MACROD1: variants seen among roughly 807,000 people sequenced by gnomAD.
The protein encoded by MACROD1 is mono-ADP ribosylhydrolase 1.
Under a neutral mutation model 41.4 loss-of-function variants are expected in MACROD1, and 31 were observed. The ratio of observed to expected loss-of-function variants is 0.75; its 90% CI spans 0.56 to 1.01. MACROD1 has a LOEUF of 1.01. Among genes scored for constraint, MACROD1 ranks in the 50% least tolerant of loss-of-function variants. The probability of loss-of-function intolerance (pLI) is 0.00; values close to 1 mark genes in which losing one functional copy is unlikely to be tolerated. For synonymous variants in MACROD1, 252 were observed against 203.4 expected (o/e 1.24, Z -2.03); for missense variants, 473 against 460.0 (o/e 1.03, Z -0.26).
intron 1 of MACROD1, among the ~76,000 whole-genome samples, chr11:64,161,231 G>T (rs554129521): frequency 2.6e-5 from 4 of 152,254 alleles, no homozygotes; most frequent in African/African-American, 9.6e-5. Flanking sequence ...ACGTTCATAT[G>T]CTGGAACACT....
At chr11:64,046,848 T>C (rs1590834617) in intron 3 of MACROD1, among the ~76,000 whole-genome samples, 2 of 152,136 alleles carry the variant, frequency 1.3e-5, no homozygotes, top group Non-Finnish European at 2.9e-5. Flanking sequence ...TGTGAAGTCT[T>C]CCCCATCCCT....
intron 3 of MACROD1, among the ~76,000 whole-genome samples, chr11:64,128,775 C>CT (rs1565250599): frequency 6.6e-6 from 1 of 152,058 alleles, no homozygotes; most frequent in Non-Finnish European, 1.5e-5. Context: ...CAGGTGACCC[C>CT]TTCCCACGCC....
chr11:64,165,259 C>A (rs1945820887), intron 1 of MACROD1, among the ~76,000 whole-genome samples: 1 of 152,190 alleles, frequency 6.6e-6, no homozygotes. Flanking sequence ...ACTTAAGAAC[C>A]ACACTGTGCA....
At chr11:64,011,163 C>T (rs1383472960) in intron 4 of MACROD1, among the ~76,000 whole-genome samples, 3 of 98,072 alleles carry the variant, frequency 3.1e-5, no homozygotes, top group African/African-American at 8.3e-5. Context: ...TGTTAGGATG[C>T]TGGTTGGCAT....
chr11:64,026,424 A>C (rs972215174), intron 3 of MACROD1, among the ~76,000 whole-genome samples: 2 of 152,176 alleles, frequency 1.3e-5, no homozygotes, highest in African/African-American at 4.8e-5. Flanking sequence ...GTTTTGTCTC[A>C]TGCAAACACA....
intron 3 of MACROD1, among the ~76,000 whole-genome samples, chr11:64,023,694 T>C (rs1260464913): frequency 6.6e-6 from 1 of 152,010 alleles, no homozygotes; most frequent in Non-Finnish European, 1.5e-5. Context: ...ACTGGGCCCA[T>C]TCCAGGCCCT....
chr11:64,164,295 G>GC (rs1945801101), intron 1 of MACROD1, among the ~76,000 whole-genome samples: 1 of 152,240 alleles, frequency 6.6e-6, no homozygotes, highest in South Asian at 2.1e-4. Flanking sequence ...AGGAACCCCA[G>GC]CCCCATCACA....
At chr11:64,116,297 C>T in intron 3 of MACROD1, 5 of 1,604,826 alleles carry the variant, frequency 3.1e-6, no homozygotes, top group South Asian at 1.1e-5. Flanking sequence ...CCGCCACTGC[C>T]ACCACCACGC....
At chr11:64,081,508 T>C (rs571173158) in intron 3 of MACROD1, among the ~76,000 whole-genome samples, 84 of 152,192 alleles carry the variant, frequency 5.5e-4, no homozygotes, top group African/African-American at 2.0e-3. Flanking sequence ...TACGTGGGGT[T>C]CAGTGAACAT....
At chr11:64,015,978 C>T (rs1203669301) in intron 3 of MACROD1, among the ~76,000 whole-genome samples, 2 of 152,210 alleles carry the variant, frequency 1.3e-5, no homozygotes, top group African/African-American at 4.8e-5. Flanking sequence ...AGAATAGCCC[C>T]ACCTCACCAG....
intron 3 of MACROD1, among the ~76,000 whole-genome samples, chr11:64,073,896 G>T (rs1314680344): frequency 6.6e-6 from 1 of 152,176 alleles, no homozygotes; most frequent in Non-Finnish European, 1.5e-5. Context: ...AGCCACTTAG[G>T]GGCTCTGGGG....
intron 3 of MACROD1, among the ~76,000 whole-genome samples, chr11:64,056,378 A>G: frequency 6.6e-6 from 1 of 152,252 alleles, no homozygotes; most frequent in East Asian, 1.9e-4. Context: ...CAGAATGAAC[A>G]GGCCCCCTCT....
chr11:64,164,705 G>C (rs1945809292), intron 1 of MACROD1, among the ~76,000 whole-genome samples: 1 of 151,886 alleles, frequency 6.6e-6, no homozygotes, highest in African/African-American at 2.4e-5. Context: ...CCCTAACACC[G>C]CAGGACCCCC....
At chr11:64,087,712 C>T (rs1944419130) in intron 3 of MACROD1, among the ~76,000 whole-genome samples, 1 of 152,232 alleles carries the variant, frequency 6.6e-6, no homozygotes, top group African/African-American at 2.4e-5. Flanking sequence ...GCATGCTTGG[C>T]CTGGTCCTTG....
chr11:64,065,722 G>A (rs922617109), intron 3 of MACROD1, among the ~76,000 whole-genome samples: 39 of 151,186 alleles, frequency 2.6e-4, no homozygotes, highest in Non-Finnish European at 4.3e-4. Flanking sequence ...CCCGGGAGGC[G>A]GAGCTTGCAG....
chr11:64,133,452 G>A (rs1026616050), intron 3 of MACROD1, among the ~76,000 whole-genome samples: 1 of 152,234 alleles, frequency 6.6e-6, no homozygotes, highest in Non-Finnish European at 1.5e-5. Context: ...GAGAGGGCAG[G>A]AGGCCGAGCC....
At chr11:64,005,280 G>A (rs930620792) in intron 4 of MACROD1, among the ~76,000 whole-genome samples, 2 of 152,106 alleles carry the variant, frequency 1.3e-5, no homozygotes, top group South Asian at 2.1e-4. Flanking sequence ...CGCCCGCCTC[G>A]GCCTCCCAAA....
rs759357767 is a variant in MACROD1, at chr11:64,146,759, G to A, written c.517+4480C>T. ...ACAAGCACAGACACACACACATCACGCACACACACGCATCACACACATCAT... is the reference window on the plus strand; with the variant it reads ...ACAAGCACAGACACACACACATCACACACACACACGCATCACACACATCAT... On this transcript the variant is annotated intron_variant, in intron 3 of 10. Coordinates refer to ENST00000255681, the MANE Select transcript of MACROD1 (RefSeq NM_014067.4). The surrounding 1 kb of genome is among the most constrained non-coding windows in gnomAD (Gnocchi z 4.7). Among the ~76,000 whole-genome samples, 6 of 147,554 alleles carry A rather than the reference G, an allele frequency of 4.1e-5. No homozygotes were observed. Among genetic ancestry groups the A allele is most frequent in the Non-Finnish European group, 7.5e-5 (5 of 66,828 alleles).
At chr11:64,150,069 G>A (rs751216266) in intron 3 of MACROD1, among the ~76,000 whole-genome samples, 3 of 152,206 alleles carry the variant, frequency 2.0e-5, no homozygotes, top group Non-Finnish European at 4.4e-5. Flanking sequence ...GGGAATGTGC[G>A]GGCAAGGCAC....
Sources: gnomAD v4.1 joint callset for allele counts (sites outside exome capture counted in the v4.1 genomes callset) on GRCh38, gnomAD v4.1.1 for gene constraint, Gnocchi (gnomAD v3.1) non-coding constraint, MANE v1.5 for transcripts, NCBI Gene and HGNC (gene_info 2026-07-23, HGNC 2026-07-21) for gene names.